CBX5: variants seen among roughly 807,000 people sequenced by gnomAD.
The protein encoded by CBX5 is chromobox protein homolog 5.
CBX5 carries 7 observed loss-of-function variants against 20.7 expected under a neutral mutation model. The ratio of observed to expected loss-of-function variants is 0.34; its 90% CI spans 0.19 to 0.63. The LOEUF (loss-of-function observed/expected upper bound fraction) is 0.63. Among genes scored for constraint, CBX5 ranks in the 30% least tolerant of loss-of-function variants. The pLI, the probability that CBX5 is intolerant of heterozygous loss-of-function variation, is 0.75. For missense variants in CBX5, 110 were observed against 224.1 expected (o/e 0.49, Z 3.25); for synonymous variants, 78 against 77.0 (o/e 1.01, Z -0.07).
chr12:54,274,794 G>C (rs1944044582), intron 1 of CBX5, among the ~76,000 whole-genome samples: 1 of 152,012 alleles, frequency 6.6e-6, no homozygotes, highest in Non-Finnish European at 1.5e-5. Context: ...AAAAAAATTA[G>C]CCAGGCATGG....
intron 1 of CBX5, among the ~76,000 whole-genome samples, chr12:54,266,584 C>T (rs191757844): frequency 1.3e-5 from 2 of 152,116 alleles, no homozygotes; most frequent in African/African-American, 2.4e-5. Flanking sequence ...TGTATATATA[C>T]ACATTCTAAA....
At chr12:54,242,025 G>A in intron 4 of CBX5, 120 bp from the exon 5 acceptor site, 2 of 865,150 alleles carry the variant, frequency 2.3e-6, no homozygotes, top group Non-Finnish European at 3.5e-6. Flanking sequence ...TTGGTTTCAA[G>A]GTGAAAAGGA....
chr12:54,269,275 T>C (rs762777026), intron 1 of CBX5, among the ~76,000 whole-genome samples: 4 of 151,964 alleles, frequency 2.6e-5, no homozygotes, highest in Non-Finnish European at 5.9e-5. Context: ...AATAAATAAA[T>C]AAATAACTGT....
intron 3 of CBX5, 128 bp downstream of exon 3, chr12:54,251,911 CTT>C: frequency 1.3e-6 from 1 of 757,064 alleles, no homozygotes; most frequent in Non-Finnish European, 2.0e-6. Flanking sequence ...CCTGGAAGCT[CTT>C]TTGTTCAACA....
At position 54,240,462 on chromosome 12, in the gene CBX5, A is replaced by T. The variant is rs1565865935; in HGVS notation, c.*1293T>A. ...GGCTGGTCTCAAACTTCTGGCTTCA[A>T]GCAATTCTCCTGCCTCAGCCTCCCA... is the stretch of plus-strand genomic sequence containing the variant. On this transcript the variant is annotated 3_prime_UTR_variant, in exon 5 of 5. Transcript: ENST00000209875. 6.6e-6 allele frequency: 1 copy of T among 152,180 alleles called. No homozygotes were observed. The highest frequency in any genetic ancestry group is 1.5e-5 in the Non-Finnish European group (1 of 68,040). 9.4% of individuals were successfully genotyped at this position (152,180 alleles called of 1,614,324 possible). A position where few individuals can be genotyped will look rare whatever the true frequency, so the allele number is the denominator to read the frequency against.
In CBX5 at chr12:54,240,810, TG is replaced by T. The variant is rs2137008362; in HGVS notation, c.*944del. 1 of 152,220 alleles carries T rather than the reference TG, an allele frequency of 6.6e-6. No individual in the cohort carries two copies. The highest frequency in any genetic ancestry group is 1.5e-5 in the Non-Finnish European group (1 of 68,022). The allele number at this position is 152,220 out of a possible 1,614,324, so 9.4% of individuals were successfully genotyped here. The stretch of plus-strand genomic sequence containing the variant: ...GAATGCTTTGGGAGGCCACAAAAGT[TG>T]GCAGGGTTGGAGGGTGCCTAGCACC... On this transcript the variant is annotated 3_prime_UTR_variant, in exon 5 of 5. Coordinates refer to ENST00000209875, the MANE Select transcript of CBX5 (RefSeq NM_012117.3).
At chr12:54,262,537 G>C (rs899539399) in intron 1 of CBX5, 3 of 152,990 alleles carry the variant, frequency 2.0e-5, no homozygotes, top group African/African-American at 7.2e-5. Context: ...GACAGTCACA[G>C]ATCAGAAGCT....
chr12:54,256,411 A>G (rs1014218730), intron 2 of CBX5, among the ~76,000 whole-genome samples: 1 of 152,188 alleles, frequency 6.6e-6, no homozygotes, highest in African/African-American at 2.4e-5. Context: ...CAACGCCAAT[A>G]ATTCTCCAGA....
chr12:54,233,150 T>TA lies in CBX5; in HGVS notation c.*8604dup, dbSNP rs1440912474. The TA allele has an allele frequency of 3.9e-5, 6 of 152,150 alleles. No homozygotes were observed. Among genetic ancestry groups the TA allele is most frequent in the African/African-American group, 1.4e-4 (6 of 41,432 alleles). 9.4% of individuals were successfully genotyped at this position (152,150 alleles called of 1,614,324 possible). On this transcript the variant is annotated 3_prime_UTR_variant, in exon 5 of 5. Transcript: ENST00000209875. Reference sequence around the variant, plus strand: ...AGCATCTTCAAAAACACCTCAAGGGTAAGGATACAAATGGTGACCCCTGCT... The same window carrying TA: ...AGCATCTTCAAAAACACCTCAAGGGTAAAGGATACAAATGGTGACCCCTGCT...
chr12:54,263,298 T>A (rs1268263371), intron 1 of CBX5, among the ~76,000 whole-genome samples: 1 of 149,152 alleles, frequency 6.7e-6, no homozygotes, highest in Non-Finnish European at 1.5e-5. Flanking sequence ...AAGATGGAGG[T>A]TGCAGTGAGC....
chr12:54,255,217 A>G (rs1326972392), intron 2 of CBX5, among the ~76,000 whole-genome samples: 1 of 152,024 alleles, frequency 6.6e-6, no homozygotes, highest in Non-Finnish European at 1.5e-5. Context: ...GCTTGAACCC[A>G]AGAGAGCGAG....
chr12:54,262,989 C>T (rs1943925482), intron 1 of CBX5: 1 of 152,226 alleles, frequency 6.6e-6, no homozygotes, highest in Admixed American at 6.5e-5. Flanking sequence ...AGCTCTCAGC[C>T]TTCTCTCTTA....
At chr12:54,260,180 A>T (rs982409970) in intron 1 of CBX5, among the ~76,000 whole-genome samples, 1 of 149,184 alleles carries the variant, frequency 6.7e-6, no homozygotes, top group Non-Finnish European at 1.5e-5. Context: ...AAAAAAAAAA[A>T]CCCCTTTTAA....
At chr12:54,248,708 C>T (rs1055993295) in intron 3 of CBX5, among the ~76,000 whole-genome samples, 1 of 151,938 alleles carries the variant, frequency 6.6e-6, no homozygotes, top group Non-Finnish European at 1.5e-5. Context: ...GAAGAGGAGG[C>T]GAATGGAAGA....
intron 1 of CBX5, chr12:54,274,229 G>A (rs1224673057): frequency 6.6e-6 from 1 of 152,184 alleles, no homozygotes; most frequent in Non-Finnish European, 1.5e-5. Context: ...ATGTGGCTTC[G>A]AGTGGCTTAC....
At chr12:54,255,616 A>G (rs1248497786) in intron 2 of CBX5, 2 of 152,168 alleles carry the variant, frequency 1.3e-5, no homozygotes, top group East Asian at 3.9e-4. Flanking sequence ...AAAAAGAATT[A>G]AAGTTTTGAA....
At chr12:54,250,594 A>G (rs1943785673) in intron 3 of CBX5, among the ~76,000 whole-genome samples, 1 of 149,578 alleles carries the variant, frequency 6.7e-6, no homozygotes, top group Non-Finnish European at 1.5e-5. Flanking sequence ...TCATGAGGTC[A>G]GGAGATCGAG....
At chr12:54,256,651 T>C (rs1943865380) in intron 2 of CBX5, among the ~76,000 whole-genome samples, 2 of 152,108 alleles carry the variant, frequency 1.3e-5, no homozygotes, top group South Asian at 4.1e-4. Flanking sequence ...ACATCCCAGA[T>C]TTTCAAGTCT....
chr12:54,252,774 C>T (rs1943819707), intron 2 of CBX5, among the ~76,000 whole-genome samples: 1 of 151,906 alleles, frequency 6.6e-6, no homozygotes, highest in South Asian at 2.1e-4. Flanking sequence ...CACTTGAGGT[C>T]AGGAGTTTGA....
Sources: gnomAD v4.1 joint callset for allele counts (sites outside exome capture counted in the v4.1 genomes callset) on GRCh38, gnomAD v4.1.1 for gene constraint, MANE v1.5 for transcripts, NCBI Gene and HGNC (gene_info 2026-07-23, HGNC 2026-07-21) for gene names.